BNIPL: variants seen among roughly 807,000 people sequenced by gnomAD.
BNIPL encodes the protein bcl-2/adenovirus E1B 19 kDa-interacting protein 2-like protein.
A neutral mutation model predicts 47.0 loss-of-function variants in BNIPL; 33 were observed. That is an observed-to-expected ratio of 0.70 (90% CI 0.53 to 0.94). The LOEUF is 0.94. Ranked by LOEUF, BNIPL falls within the 40% of genes least tolerant of loss-of-function variation. The pLI is 0.00. For missense variants in BNIPL, 404 were observed against 445.2 expected (o/e 0.91, Z 0.83); for synonymous variants, 145 against 162.7 (o/e 0.89, Z 0.83).
At position 151,046,679 on chromosome 1, in the gene BNIPL, GGGACATAGCACA is replaced by G; in HGVS notation, c.1071_*8del. ...GGACCGGGATCTCCATGGCTCAGGA[GGGACATAGCACA>G]GGACTGGATAAAAGGCCTTAGAACC... is the stretch of plus-strand genomic sequence containing the variant. On this transcript the variant is annotated stop_lost and 3_prime_UTR_variant, in exon 10 of 10. Transcript: ENST00000368931. The G allele has an allele frequency of 6.2e-7, 1 of 1,601,338 alleles. No homozygotes were observed. The highest frequency in any genetic ancestry group is 8.5e-7 in the Non-Finnish European group (1 of 1,171,040).
chr1:151,038,853 T>C lies in BNIPL; in HGVS notation c.260T>C (p.Leu87Pro). 1.2e-6 allele frequency: 2 copies of C among 1,613,670 alleles called. No individual in the cohort carries two copies. Among genetic ancestry groups the C allele is most frequent in the Non-Finnish European group, 8.5e-7 (1 of 1,179,738 alleles). The change falls in exon 4 of 10, where the codon CTT becomes CCT. Residue 87 changes from leucine (L) to proline (P), a missense_variant. By Grantham distance (98) the Leu-to-Pro change is moderately conservative. Transcript: ENST00000368931. ...LCGQRPMRKR[L>P]SAPELRLSLT... is the part of the protein sequence containing the mutation. ...GGCCAGCGCCCCATGCGCAAGCGTCTTTCTGCCCCAGAGTTGCGGCTGAGT... is the reference window on the plus strand; with the variant it reads ...GGCCAGCGCCCCATGCGCAAGCGTCCTTCTGCCCCAGAGTTGCGGCTGAGT...
At position 151,038,837 on chromosome 1, in the gene BNIPL, C is replaced by T. The variant is rs1571836049; in HGVS notation, c.244C>T (p.Pro82Ser). 6.2e-7 allele frequency: 1 copy of T among 1,611,974 alleles called. No homozygotes were observed. Among genetic ancestry groups the T allele is most frequent in the East Asian group, 2.2e-5 (1 of 44,876 alleles). The change falls in exon 4 of 10, where the codon CCC (proline) becomes TCC (serine). Residue 82 changes from proline to serine, a missense_variant. Transcript: ENST00000368931. ...PSTLALCGQR[P>S]MRKRLSAPEL... The stretch of plus-strand genomic sequence containing the variant: ...CACTTTAGCCCTGTGTGGCCAGCGC[C>T]CCATGCGCAAGCGTCTTTCTGCCCC...
At chr1:151,044,779 T>C in intron 7 of BNIPL, 2 of 634,948 alleles carry the variant, frequency 3.1e-6, no homozygotes, top group Non-Finnish European at 4.2e-6. Context: ...CCTTCTCAGG[T>C]TTTTTTTTTT....
intron 7 of BNIPL, chr1:151,044,971 A>T (rs1473098479): frequency 1.6e-6 from 2 of 1,283,984 alleles, no homozygotes; most frequent in Non-Finnish European, 2.0e-6. Flanking sequence ...ATGGAGCAGA[A>T]AAAGACCAGG....
intron 5 of BNIPL, 63 bp from the exon 6 acceptor site, chr1:151,043,269 C>A (rs913147812): frequency 6.6e-6 from 10 of 1,521,230 alleles, no homozygotes; most frequent in Non-Finnish European, 9.1e-6. Context: ...TCAACTTAAA[C>A]AGATATACTA....
rs896550870 is a variant in BNIPL, at chr1:151,046,937, TG to T, written c.*253del. Reference sequence around the variant, plus strand: ...AGGCTGAATGTAGGGTCATTTTGTATGGGATATGCAGAGCTCTGGGTTTTTT... The same window carrying T: ...AGGCTGAATGTAGGGTCATTTTGTATGGATATGCAGAGCTCTGGGTTTTTT... On this transcript the variant is annotated 3_prime_UTR_variant, in exon 10 of 10. Transcript: ENST00000368931. 2.4e-6 allele frequency: 1 copy of T among 423,288 alleles called. No individual in the cohort carries two copies. Among genetic ancestry groups the T allele is most frequent in the Admixed American group, 4.2e-5 (1 of 23,638 alleles). The allele number at this position is 423,288 out of a possible 1,614,324, so 26.2% of individuals were successfully genotyped here.
In BNIPL at chr1:151,038,614, G is replaced by C. The variant is rs778912816; in HGVS notation, c.202+46G>C. 3.1e-6 allele frequency: 5 copies of C among 1,602,456 alleles called. No homozygotes were observed. The African/African-American group carries it at 5.4e-5, about 17-fold the overall frequency. ...GCCTCAAGTTCTTGATTCTAGTCCA[G>C]TAAAGGGCTATGCCACCTCTATCCT... On this transcript the variant is annotated intron_variant, in intron 3 of 9. Coordinates refer to ENST00000368931, the MANE Select transcript of BNIPL (RefSeq NM_138278.4).
chr1:151,042,548 C>T (rs1326854662), intron 4 of BNIPL, among the ~76,000 whole-genome samples: 1 of 152,094 alleles, frequency 6.6e-6, no homozygotes, highest in Non-Finnish European at 1.5e-5. Flanking sequence ...TGTGGTAGCT[C>T]ATGCCTCTAA....
chr1:151,047,624 C>T lies in BNIPL; in HGVS notation c.*937C>T. On this transcript the variant is annotated 3_prime_UTR_variant, in exon 10 of 10. Transcript: ENST00000368931. ...AGAAGTGAACGACTCTTTCACCACC[C>T]CTTGCATCCCAAACCTTCGGTTCTG... The T allele has an allele frequency of 1.6e-6, 1 of 621,294 alleles. No homozygotes were observed. The highest frequency in any genetic ancestry group is 3.0e-5 in the East Asian group (1 of 32,944). The allele number at this position is 621,294 out of a possible 1,614,324, so 38.5% of individuals were successfully genotyped here.
At chr1:151,043,784 T>C (rs995805912) in intron 7 of BNIPL, 57 bp downstream of exon 7, 3 of 1,515,382 alleles carry the variant, frequency 2.0e-6, no homozygotes, top group African/African-American at 2.8e-5. Context: ...TTCCCCATCT[T>C]TCTATTATTT....
chr1:151,037,153 T>C (rs1387636589), intron 1 of BNIPL, among the ~76,000 whole-genome samples: 1 of 152,098 alleles, frequency 6.6e-6, no homozygotes, highest in East Asian at 1.9e-4. Flanking sequence ...CCTCCACCCC[T>C]CCACTTATGC....
intron 4 of BNIPL, among the ~76,000 whole-genome samples, chr1:151,042,704 C>T (rs928984512): frequency 6.6e-6 from 1 of 151,802 alleles, no homozygotes; most frequent in Non-Finnish European, 1.5e-5. Flanking sequence ...GTTCCAGCTA[C>T]ATGGGAGCCT....
intron 4 of BNIPL, among the ~76,000 whole-genome samples, chr1:151,041,560 C>T (rs1675824387): frequency 1.3e-5 from 2 of 152,144 alleles, no homozygotes; most frequent in South Asian, 2.1e-4. Context: ...GGTCGAGCCA[C>T]TGTACTCCAG....
chr1:151,041,794 C>T (rs1233647597), intron 4 of BNIPL, among the ~76,000 whole-genome samples: 1 of 151,994 alleles, frequency 6.6e-6, no homozygotes, highest in Non-Finnish European at 1.5e-5. Flanking sequence ...GCCAACATGG[C>T]AAAACCTCGT....
Position 151,043,863 on chromosome 1 carries a change from C to T in BNIPL, c.851+136C>T. ...GTTCCTTTCCCAGCTCTTTTGTCTT[C>T]TGTCTTCTCTTGGAGTCAAGGAAAT... On this transcript the variant is annotated intron_variant, in intron 7 of 9. Coordinates refer to ENST00000368931, the MANE Select transcript of BNIPL (RefSeq NM_138278.4). The T allele has an allele frequency of 4.5e-6, 5 of 1,119,816 alleles. No homozygotes were observed. In the South Asian group the frequency reaches 6.8e-5, roughly 15 times the overall value. 69.4% of individuals were successfully genotyped at this position (1,119,816 alleles called of 1,614,324 possible). A position where few individuals can be genotyped will look rare whatever the true frequency, so the allele number is the denominator to read the frequency against.
intron 2 of BNIPL, 24 bp from the exon 3 acceptor site, chr1:151,038,480 G>C: frequency 6.3e-7 from 1 of 1,585,280 alleles, no homozygotes. Context: ...TATGTCTGCC[G>C]CCTTTTAATC....
intron 4 of BNIPL, among the ~76,000 whole-genome samples, chr1:151,040,585 C>T (rs916322741): frequency 6.6e-6 from 1 of 151,644 alleles, no homozygotes; most frequent in Non-Finnish European, 1.5e-5. Context: ...CACCTGAGGT[C>T]AGGAGTTCAA....
At position 151,046,972 on chromosome 1, in the gene BNIPL, G is replaced by A. The variant is rs915104736; in HGVS notation, c.*285G>A. ...AGAGCTCTGGGTTTTTTTGTTTTTTGTTTTTTGAGACGGAGTCTCGCTCTG... is the reference window on the plus strand; with the variant it reads ...AGAGCTCTGGGTTTTTTTGTTTTTTATTTTTTGAGACGGAGTCTCGCTCTG... On this transcript the variant is annotated 3_prime_UTR_variant, in exon 10 of 10. Coordinates refer to ENST00000368931, the MANE Select transcript of BNIPL (RefSeq NM_138278.4). 1.0e-5 allele frequency: 3 copies of A among 286,514 alleles called. No homozygotes were observed. Among genetic ancestry groups the A allele is most frequent in the Non-Finnish European group, 1.9e-5 (3 of 154,626 alleles). 17.7% of individuals were successfully genotyped at this position (286,514 alleles called of 1,614,324 possible).
chr1:151,045,747 C>T (rs1675997118), intron 7 of BNIPL, 50 bp from the exon 8 acceptor site: 1 of 1,613,274 alleles, frequency 6.2e-7, no homozygotes, highest in African/African-American at 1.3e-5. Flanking sequence ...ACGTGATCTT[C>T]ACACATAAAG....
Sources: allele counts gnomAD v4.1 joint callset (sites outside exome capture counted in the v4.1 genomes callset), GRCh38; gene constraint gnomAD v4.1.1; transcripts MANE v1.5; gene names NCBI Gene and HGNC (gene_info 2026-07-23, HGNC 2026-07-21).